Variants in ROBO1 observed in about 807,000 individuals in gnomAD.
ROBO1 encodes the protein roundabout homolog 1.
ROBO1 carries 149 observed loss-of-function variants against 195.9 expected under a neutral mutation model. The observed-to-expected ratio is 0.76, with a 90% CI of 0.67 to 0.87. ROBO1 has a LOEUF of 0.87. Ranked by LOEUF, ROBO1 falls within the 40% of genes least tolerant of loss-of-function variation. The probability of loss-of-function intolerance (pLI) is 0.00; values close to 1 mark genes in which losing one functional copy is unlikely to be tolerated. For synonymous variants in ROBO1, 816 were observed against 733.2 expected (o/e 1.11, Z -1.82); for missense variants, 1,933 against 2,068.3 (o/e 0.93, Z 1.27).
intron 3 of ROBO1, among the ~76,000 whole-genome samples, chr3:79,055,510 A>G (rs1258919528): frequency 2.0e-5 from 3 of 152,078 alleles, no homozygotes; most frequent in Admixed American, 2.0e-4. Context: ...AGTTTACCAG[A>G]GCACATTTAT....
At chr3:79,281,313 GATTGATTT>G (rs1248352455) in intron 2 of ROBO1, among the ~76,000 whole-genome samples, 4 of 147,040 alleles carry the variant, frequency 2.7e-5, no homozygotes, top group African/African-American at 1.1e-4. Context: ...TTTATTGATT[GATTGATTT>G]ATTATTATTA....
chr3:79,670,521 C>T (rs999262871), intron 1 of ROBO1, among the ~76,000 whole-genome samples: 3 of 151,808 alleles, frequency 2.0e-5, no homozygotes, highest in Admixed American at 6.6e-5. Flanking sequence ...ACCTTTAACA[C>T]ACTAATCAGG....
intron 4 of ROBO1, among the ~76,000 whole-genome samples, chr3:78,935,947 A>G (rs1410651544): frequency 6.6e-6 from 1 of 152,032 alleles, no homozygotes; most frequent in East Asian, 1.9e-4. Context: ...AACTGCATCA[A>G]TACTGTTTTT....
At chr3:79,575,529 TAACA>T (rs1362838183) in intron 2 of ROBO1, among the ~76,000 whole-genome samples, 3 of 138,102 alleles carry the variant, frequency 2.2e-5, no homozygotes, top group African/African-American at 8.0e-5. Context: ...TAAATATATA[TAACA>T]AATATATATA....
chr3:79,326,298 T>C (rs1304818490), intron 2 of ROBO1, among the ~76,000 whole-genome samples: 1 of 152,094 alleles, frequency 6.6e-6, no homozygotes, highest in African/African-American at 2.4e-5. Context: ...CACACCCTGT[T>C]CGTACACTCC....
At chr3:78,741,470 T>G (rs973153470) in intron 5 of ROBO1, among the ~76,000 whole-genome samples, 1 of 152,210 alleles carries the variant, frequency 6.6e-6, no homozygotes, top group African/African-American at 2.4e-5. Context: ...GTTTTAACTT[T>G]TTCCTTAATG....
At chr3:78,661,490 A>G (rs1222203632) in intron 15 of ROBO1, among the ~76,000 whole-genome samples, 1 of 152,198 alleles carries the variant, frequency 6.6e-6, no homozygotes, top group Admixed American at 6.5e-5. Flanking sequence ...AAACATTCAA[A>G]TAAGTAGAAT....
intron 2 of ROBO1, among the ~76,000 whole-genome samples, chr3:79,227,892 T>C (rs1210824376): frequency 2.0e-5 from 3 of 152,192 alleles, no homozygotes; most frequent in African/African-American, 7.2e-5. Context: ...TTCTGCTGAG[T>C]TGACCACTTA....
chr3:79,518,373 A>C (rs1174810967), intron 2 of ROBO1, among the ~76,000 whole-genome samples: 1 of 152,086 alleles, frequency 6.6e-6, no homozygotes, highest in Non-Finnish European at 1.5e-5. Context: ...ACAACAGGAA[A>C]TAGAGATGCA....
chr3:79,192,673 G>T (rs1252964070), intron 2 of ROBO1, among the ~76,000 whole-genome samples: 1 of 151,586 alleles, frequency 6.6e-6, no homozygotes, highest in Non-Finnish European at 1.5e-5. Flanking sequence ...AATTCTCAGA[G>T]GCCTGTGGTT....
chr3:79,200,514 T>G (rs1208653449), intron 2 of ROBO1, among the ~76,000 whole-genome samples: 2 of 151,624 alleles, frequency 1.3e-5, no homozygotes, highest in Non-Finnish European at 2.9e-5. Context: ...GTGATAGGCA[T>G]GAAAGAAGGA....
At chr3:79,332,030 G>C (rs2034460291) in intron 2 of ROBO1, among the ~76,000 whole-genome samples, 1 of 151,690 alleles carries the variant, frequency 6.6e-6, no homozygotes, top group Non-Finnish European at 1.5e-5. Context: ...GTAGTCCCAG[G>C]TGCTGGGAAG....
Position 78,631,267 on chromosome 3 carries a change from C to A in ROBO1, c.3520G>T (p.Val1174Leu), listed in dbSNP as rs754261059. ...CAGTTCATGCCACCCTGTTTTGGTA[C>A]CTTGGGTGTTCTTGCCCCTTTCTTG... ...GHKKGARTPK[V>L]PKQGGMNWAD... The change falls in exon 25 of 31, where the codon GTA becomes TTA. Residue 1174 changes from valine (V) to leucine (L), a missense_variant. Around this residue, in one of 3 missense-constraint regions of ROBO1, gnomAD observed 1,737 missense variants for 1,882.5 expected, o/e 0.92. Transcript: ENST00000464233. 4 of 1,613,422 alleles carry A rather than the reference C, an allele frequency of 2.5e-6. No individual in the cohort carries two copies. Among genetic ancestry groups the A allele is most frequent in the East Asian group, 2.2e-5 (1 of 44,792 alleles).
chr3:79,712,674 A>G (rs1171193176), intron 1 of ROBO1, among the ~76,000 whole-genome samples: 1 of 152,134 alleles, frequency 6.6e-6, no homozygotes, highest in Non-Finnish European at 1.5e-5. Context: ...TAGACTTAAC[A>G]GCCTTCAACT....
At chr3:79,260,394 T>A (rs1375200373) in intron 2 of ROBO1, among the ~76,000 whole-genome samples, 2 of 152,064 alleles carry the variant, frequency 1.3e-5, no homozygotes, top group East Asian at 3.8e-4. Context: ...ACGTTGTATA[T>A]CTGCATGTGT....
At chr3:78,951,073 T>C (rs2040752442) in intron 3 of ROBO1, among the ~76,000 whole-genome samples, 1 of 151,654 alleles carries the variant, frequency 6.6e-6, no homozygotes, top group Non-Finnish European at 1.5e-5. Context: ...ATATATAACC[T>C]ATATCATAGA....
At chr3:79,523,399 A>C (rs1941291660) in intron 2 of ROBO1, among the ~76,000 whole-genome samples, 1 of 151,924 alleles carries the variant, frequency 6.6e-6, no homozygotes, top group South Asian at 2.1e-4. Flanking sequence ...TTAACAAATA[A>C]ATTTGAAAAA....
At chr3:79,573,947 T>C (rs985640439) in intron 2 of ROBO1, among the ~76,000 whole-genome samples, 2 of 152,074 alleles carry the variant, frequency 1.3e-5, no homozygotes, top group Non-Finnish European at 2.9e-5. Flanking sequence ...ATGGTGAACA[T>C]GTATATATTA....
At chr3:78,651,067 T>C (rs888549417) in intron 19 of ROBO1, among the ~76,000 whole-genome samples, 2 of 152,180 alleles carry the variant, frequency 1.3e-5, no homozygotes, top group Non-Finnish European at 2.9e-5. Context: ...CTTGGCATAT[T>C]TGGGTCATCT....
Sources: gnomAD v4.1 joint callset for allele counts (sites outside exome capture counted in the v4.1 genomes callset) on GRCh38, gnomAD v4.1.1 for gene constraint, gnomAD v4.1.1 regional missense constraint, MANE v1.5 for transcripts, NCBI Gene and HGNC (gene_info 2026-07-23, HGNC 2026-07-21) for gene names.